XYLT1: variants seen among roughly 807,000 people sequenced by gnomAD.
XYLT1 encodes xylosyltransferase 1, also known as beta-D-xylosyltransferase 1.
In XYLT1, 36 loss-of-function variants were observed where a neutral mutation model predicts 91.3. The ratio of observed to expected loss-of-function variants is 0.39; its 90% confidence interval spans 0.30 to 0.52. XYLT1 has a LOEUF of 0.52. Ranked by LOEUF, XYLT1 falls within the 20% of genes least tolerant of loss-of-function variation. The pLI, the probability that XYLT1 is intolerant of heterozygous loss-of-function variation, is 0.68. For missense variants in XYLT1, 1,242 were observed against 1,284.5 expected (o/e 0.97, Z 0.51); for synonymous variants, 588 against 532.0 (o/e 1.11, Z -1.45).
chr16:17,197,014 A>AATATATATATATATAT (rs536988187), intron 5 of XYLT1, among the ~76,000 whole-genome samples: 1,275 of 110,008 alleles, frequency 0.012, 40 homozygotes, highest in African/African-American at 0.031. Flanking sequence ...CTGTCTCCAA[A>AATATATATATATATAT]ATATATATAT....
intron 5 of XYLT1, among the ~76,000 whole-genome samples, chr16:17,162,583 G>GTGAATGAA (rs371426679): frequency 6.6e-6 from 1 of 152,064 alleles, no homozygotes; most frequent in Non-Finnish European, 1.5e-5. Flanking sequence ...GAATGAACGA[G>GTGAATGAA]TGAATGAATG....
At chr16:17,436,909 G>A (rs2036465895) in intron 1 of XYLT1, among the ~76,000 whole-genome samples, 1 of 152,170 alleles carries the variant, frequency 6.6e-6, no homozygotes, top group African/African-American at 2.4e-5. Context: ...GTAACATATG[G>A]GTTTCCCAGA....
chr16:17,141,753 T>G (rs553150480), intron 6 of XYLT1, among the ~76,000 whole-genome samples: 1 of 152,298 alleles, frequency 6.6e-6, no homozygotes, highest in South Asian at 2.1e-4. Context: ...ATGCAGACCA[T>G]GGACCCTTGT....
At chr16:17,422,086 C>T (rs1453145209) in intron 1 of XYLT1, among the ~76,000 whole-genome samples, 1 of 151,980 alleles carries the variant, frequency 6.6e-6, no homozygotes, top group African/African-American at 2.4e-5. Flanking sequence ...GGGTTCACGC[C>T]ATTCTCCTGC....
chr16:17,342,774 G>A (rs1011404507), intron 2 of XYLT1, among the ~76,000 whole-genome samples: 1 of 152,126 alleles, frequency 6.6e-6, no homozygotes, highest in Non-Finnish European at 1.5e-5. Flanking sequence ...TGTGTGCTCA[G>A]AAGAGTAAGA....
At chr16:17,154,901 G>A (rs980004948) in intron 6 of XYLT1, among the ~76,000 whole-genome samples, 1 of 152,196 alleles carries the variant, frequency 6.6e-6, no homozygotes, top group Non-Finnish European at 1.5e-5. Flanking sequence ...GTATTTCACT[G>A]CTTGCCTTTG....
chr16:17,209,503 G>A (rs2032720180), intron 3 of XYLT1, among the ~76,000 whole-genome samples: 1 of 152,134 alleles, frequency 6.6e-6, no homozygotes, highest in South Asian at 2.1e-4. Flanking sequence ...TCAATTCTTT[G>A]GAGTATATTC....
At chr16:17,387,877 C>T (rs2035766297) in intron 1 of XYLT1, among the ~76,000 whole-genome samples, 1 of 152,192 alleles carries the variant, frequency 6.6e-6, no homozygotes, top group African/African-American at 2.4e-5. Flanking sequence ...GAGGAATACA[C>T]AAGTGCATAA....
intron 5 of XYLT1, among the ~76,000 whole-genome samples, chr16:17,189,445 G>T (rs2032260346): frequency 6.6e-6 from 1 of 152,158 alleles, no homozygotes; most frequent in African/African-American, 2.4e-5. Context: ...CACCACTGCT[G>T]GGCAGAGTCC....
At chr16:17,197,215 G>A (rs891925546) in intron 5 of XYLT1, among the ~76,000 whole-genome samples, 11 of 151,404 alleles carry the variant, frequency 7.3e-5, no homozygotes, top group Non-Finnish European at 1.2e-4. Flanking sequence ...GCTGTTCCTC[G>A]CACAGGCCAG....
intron 1 of XYLT1, among the ~76,000 whole-genome samples, chr16:17,374,585 T>C (rs757516475): frequency 1.4e-4 from 21 of 152,190 alleles, no homozygotes; most frequent in Non-Finnish European, 2.5e-4. Flanking sequence ...TAAGACATTA[T>C]GTTGCTACTA....
At chr16:17,401,999 G>A (rs1267313658) in intron 1 of XYLT1, among the ~76,000 whole-genome samples, 2 of 152,088 alleles carry the variant, frequency 1.3e-5, no homozygotes, top group African/African-American at 2.4e-5. Flanking sequence ...TGACAGAAAA[G>A]CTTTAAAAGT....
At chr16:17,111,962 G>A (rs1037003417) in intron 11 of XYLT1, among the ~76,000 whole-genome samples, 8 of 152,118 alleles carry the variant, frequency 5.3e-5, no homozygotes, top group Admixed American at 6.6e-5. Flanking sequence ...TCTTTGGTGC[G>A]GGCCCTAATT....
chr16:17,437,852 G>A (rs1464983072), intron 1 of XYLT1, among the ~76,000 whole-genome samples: 1 of 152,134 alleles, frequency 6.6e-6, no homozygotes, highest in Non-Finnish European at 1.5e-5. Context: ...AAATCATACT[G>A]AGCAGTATTT....
chr16:17,127,973 CCTA>C (rs1233299535), intron 9 of XYLT1, 112 bp from the exon 10 acceptor site: 2 of 937,602 alleles, frequency 2.1e-6, no homozygotes, highest in African/African-American at 1.7e-5. Flanking sequence ...GTGCACAATG[CCTA>C]CTGTTTTCCT....
intron 1 of XYLT1, among the ~76,000 whole-genome samples, chr16:17,415,606 C>T (rs768158905): frequency 6.6e-6 from 1 of 151,982 alleles, no homozygotes; most frequent in African/African-American, 2.4e-5. Flanking sequence ...GCAGGAGAAC[C>T]GCTTGAGTCC....
chr16:17,189,266 G>A lies in XYLT1; in HGVS notation c.1289+8946C>T, dbSNP rs184046929. Among the ~76,000 whole-genome samples the A allele has an allele frequency of 2.1e-3, 324 of 152,256 alleles. 2 individuals are homozygous for A. The highest frequency in any genetic ancestry group is 3.7e-3 in the Non-Finnish European group (250 of 68,032). On this transcript the variant is annotated intron_variant, in intron 5 of 11. Coordinates refer to ENST00000261381, the MANE Select transcript of XYLT1 (RefSeq NM_022166.4). The stretch of plus-strand genomic sequence containing the variant: ...TCCATCTTCAACCTGAATCTTCCCC[G>A]GACAATGAGAATCACTGAAGTTTCT...
chr16:17,381,949 T>G (rs62030317), intron 1 of XYLT1, among the ~76,000 whole-genome samples: 16,485 of 151,796 alleles, frequency 0.11, 1,473 homozygotes, highest in Admixed American at 0.25. Flanking sequence ...TGCAAGCCCA[T>G]GAAGCATCTG....
Position 17,197,014 on chromosome 16 carries a change from A to AATATATATATATATATATATAT in XYLT1, c.1289+1197_1289+1198insATATATATATATATATATATAT, listed in dbSNP as rs536988187. ...TGACAGAGCGAGACTCTGTCTCCAA[A>AATATATATATATATATATATAT]ATATATATATATATATAGATATATA... On this transcript the variant is annotated intron_variant, in intron 5 of 11. Transcript: ENST00000261381. Among the ~76,000 whole-genome samples the AATATATATATATATATATATAT allele has an allele frequency of 4.4e-3, 484 of 110,062 alleles. 10 individuals are homozygous for AATATATATATATATATATATAT. Among genetic ancestry groups the AATATATATATATATATATATAT allele is most frequent in the Admixed American group, 0.011 (116 of 10,458 alleles). The allele number at this position is 110,062 out of a possible 152,430, so 72.2% of individuals were successfully genotyped here.
Sources: gnomAD v4.1 joint callset for allele counts (sites outside exome capture counted in the v4.1 genomes callset) on GRCh38, gnomAD v4.1.1 for gene constraint, MANE v1.5 for transcripts, NCBI Gene and HGNC (gene_info 2026-07-23, HGNC 2026-07-21) for gene names.